The following OTOA variants were observed in gnomAD, a reference collection of about 807,000 sequenced individuals.
OTOA encodes the protein cancer/testis antigen 108.
Under a neutral mutation model 110.8 loss-of-function variants are expected in OTOA, and 70 were observed. That is an observed-to-expected ratio of 0.63 (90% confidence interval 0.52 to 0.77). The LOEUF is 0.77. Ranked by LOEUF, OTOA falls within the 30% of genes least tolerant of loss-of-function variation. The pLI is 0.00. For synonymous variants in OTOA, 373 were observed against 431.5 expected (o/e 0.86, Z 1.68); for missense variants, 917 against 1,075.8 (o/e 0.85, Z 2.06).
At chr16:21,704,553 A>C (rs1898115872) in intron 11 of OTOA, among the ~76,000 whole-genome samples, 1 of 152,078 alleles carries the variant, frequency 6.6e-6, no homozygotes, top group Non-Finnish European at 1.5e-5. Context: ...TCAGTGCAAG[A>C]CCTGATAAGT....
Position 21,715,033 on chromosome 16 carries a change from G to A in OTOA, c.1369G>A (p.Val457Ile), listed in dbSNP as rs759730190. The A allele has an allele frequency of 6.2e-7, 1 of 1,614,180 alleles. No individual in the cohort carries two copies. The highest frequency in any genetic ancestry group is 8.5e-7 in the Non-Finnish European group (1 of 1,180,016). ...VSQMGALLAG[V>I]STQAFCSMKR... ...CCAGATGGGCGCACTGCTGGCTGGG[G>A]TCAGCACCCAGGCCTTCTGCAGCAT... The change falls in exon 14 of 29, where the codon GTC (valine) becomes ATC (isoleucine). Residue 457 changes from valine to isoleucine, a missense_variant. Coordinates refer to ENST00000646100, the MANE Select transcript of OTOA (RefSeq NM_144672.4).
At chr16:21,687,376 G>A in intron 7 of OTOA, 37 bp from the exon 8 acceptor site, 1 of 1,570,346 alleles carries the variant, frequency 6.4e-7, no homozygotes, top group Non-Finnish European at 8.8e-7. Flanking sequence ...TTGAGAGGCA[G>A]CTCTCAAACT....
At chr16:21,750,038 G>C (rs1446972639) in intron 24 of OTOA, among the ~76,000 whole-genome samples, 2 of 152,260 alleles carry the variant, frequency 1.3e-5, no homozygotes, top group East Asian at 3.9e-4. Flanking sequence ...GCCTCCTCAG[G>C]TCCTACATAG....
rs577573151 is a variant in OTOA, at chr16:21,722,425, A to G, written c.1807-480A>G. ...ATATAACTATATGTATAGTTAAGCT[A>G]TATATATAGTTTAACAGAATTGTGT... On this transcript the variant is annotated intron_variant, in intron 17 of 28. Coordinates refer to ENST00000646100, the MANE Select transcript of OTOA (RefSeq NM_144672.4). Among the ~76,000 whole-genome samples the G allele has an allele frequency of 6.0e-5, 9 of 150,640 alleles. No individual in the cohort carries two copies. In the South Asian group the frequency reaches 1.5e-3, roughly 24 times the overall value.
chr16:21,687,626 C>G lies in OTOA; in HGVS notation c.613C>G (p.Arg205Gly). 6.2e-7 allele frequency: 1 copy of G among 1,610,970 alleles called. No homozygotes were observed. The highest frequency in any genetic ancestry group is 8.5e-7 in the Non-Finnish European group (1 of 1,178,964). ...DITERLPRDL[R>G]EDAFKNLSAV... is the part of the protein sequence containing the mutation. The stretch of plus-strand genomic sequence containing the variant: ...CACAGAGCGGCTCCCTCGGGACCTG[C>G]GCGAGGATGCCTTTAAGAACCTGTG... Residue 205 changes from arginine to glycine, a missense_variant, in exon 8 of 29, where the codon CGC (arginine) becomes GGC (glycine). This residue lies in a region of OTOA where 840 missense variants were observed against 910.2 expected (regional missense o/e 0.92). Coordinates refer to ENST00000646100, the MANE Select transcript of OTOA (RefSeq NM_144672.4).
At chr16:21,713,780 C>T (rs922907758) in intron 13 of OTOA, among the ~76,000 whole-genome samples, 5 of 152,130 alleles carry the variant, frequency 3.3e-5, no homozygotes, top group African/African-American at 9.7e-5. Context: ...ACCAGGCCAG[C>T]CCATTCATCT....
In OTOA at chr16:21,705,247, G is replaced by A. The variant is rs1286798511; in HGVS notation, c.1059G>A (p.Met353Ile). The A allele has an allele frequency of 6.2e-7, 1 of 1,614,020 alleles. No homozygotes were observed. Among genetic ancestry groups the A allele is most frequent in the Non-Finnish European group, 8.5e-7 (1 of 1,180,022 alleles). Residue 353 changes from methionine (M) to isoleucine (I), a missense_variant, in exon 12 of 29, where the codon ATG becomes ATA. Met to Ile is a conservative substitution (Grantham distance 10). This residue lies in a region of OTOA where 840 missense variants were observed against 910.2 expected (regional missense o/e 0.92). Coordinates refer to ENST00000646100, the MANE Select transcript of OTOA (RefSeq NM_144672.4). Reference sequence around the variant, plus strand: ...TGGCTCAAGTCCTGCTTTACCAGATGATCAAGTGCAGCCACCTGAGGGGCT... The same window carrying A: ...TGGCTCAAGTCCTGCTTTACCAGATAATCAAGTGCAGCCACCTGAGGGGCT... ...ATVAQVLLYQMIKCSHLRGFQ... is the reference protein window; with the variant it reads ...ATVAQVLLYQIIKCSHLRGFQ...
chr16:21,697,665 G>A, intron 9 of OTOA, 110 bp from the exon 10 acceptor site: 1 of 982,668 alleles, frequency 1.0e-6, no homozygotes. Flanking sequence ...ACGAATTAAT[G>A]AATGCAAGAA....
At chr16:21,719,571 C>A in intron 17 of OTOA, 67 bp downstream of exon 17, 1 of 1,398,374 alleles carries the variant, frequency 7.2e-7, no homozygotes, top group Non-Finnish European at 1.0e-6. Context: ...CCTGGATTGG[C>A]TGTGGCATCT....
In OTOA at chr16:21,700,888, A is replaced by G. The variant is rs1181976517; in HGVS notation, c.841A>G (p.Ile281Val). 1.2e-6 allele frequency: 2 copies of G among 1,613,924 alleles called. No individual in the cohort carries two copies. Among genetic ancestry groups the G allele is most frequent in the East Asian group, 4.5e-5 (2 of 44,874 alleles). The change falls in exon 11 of 29, where the codon ATT becomes GTT. Residue 281 changes from isoleucine (I) to valine (V), a missense_variant and splice_region_variant. Transcript: ENST00000646100. Reference protein sequence around the residue: ...EEITKISPIEIGLFISYDNAT... With the variant: ...EEITKISPIEVGLFISYDNAT... ...ATTCTCGTCCTTGTCCACCAACTAG[A>G]TTGGGCTGTTTATCAGCTATGACAA...
chr16:21,691,930 C>A (rs1315415612), intron 9 of OTOA, among the ~76,000 whole-genome samples: 1 of 152,066 alleles, frequency 6.6e-6, no homozygotes, highest in Non-Finnish European at 1.5e-5. Flanking sequence ...TATGTTGTGT[C>A]CTAGTTTTTC....
intron 10 of OTOA, among the ~76,000 whole-genome samples, chr16:21,698,181 A>C (rs1188417339): frequency 6.6e-6 from 1 of 152,204 alleles, no homozygotes; most frequent in East Asian, 1.9e-4. Flanking sequence ...AAATCATTTA[A>C]GGGTATTTTT....
At chr16:21,689,154 G>A (rs894421969) in intron 8 of OTOA, among the ~76,000 whole-genome samples, 4 of 152,090 alleles carry the variant, frequency 2.6e-5, no homozygotes, top group Middle Eastern at 3.4e-3. Context: ...TTTACTAATC[G>A]TAGTGCTTTA....
chr16:21,695,889 A>ATTTT (rs1213474615), intron 9 of OTOA, among the ~76,000 whole-genome samples: 1,646 of 63,416 alleles, frequency 0.026, 27 homozygotes, highest in Non-Finnish European at 0.034. Context: ...ATATATATAT[A>ATTTT]TATTTTTTTT....
At chr16:21,731,018 G>A (rs932776380) in intron 21 of OTOA, 88 bp downstream of exon 21, 2 of 761,234 alleles carry the variant, frequency 2.6e-6, no homozygotes, top group African/African-American at 1.7e-5. Context: ...GTTTACTGCT[G>A]TCTATGGTTC....
intron 9 of OTOA, among the ~76,000 whole-genome samples, chr16:21,695,956 A>T (rs1250537774): frequency 7.7e-6 from 1 of 130,438 alleles, no homozygotes; most frequent in African/African-American, 2.9e-5. Context: ...GTGCAGTGGT[A>T]TGATCTCAGC....
intron 18 of OTOA, among the ~76,000 whole-genome samples, chr16:21,725,527 A>ATCTG (rs1192277307): frequency 6.6e-6 from 1 of 151,718 alleles, no homozygotes; most frequent in Non-Finnish European, 1.5e-5. Flanking sequence ...ATCTCAGGTG[A>ATCTG]CCCACCTTGG....
chr16:21,729,237 A>C (rs1412862431), intron 20 of OTOA, among the ~76,000 whole-genome samples: 3 of 151,882 alleles, frequency 2.0e-5, no homozygotes, highest in African/African-American at 7.3e-5. Flanking sequence ...GAATTTCACC[A>C]TGTTGCCTAG....
At chr16:21,695,891 A>ATATATATATATTTTT (rs569493650) in intron 9 of OTOA, among the ~76,000 whole-genome samples, 4 of 41,894 alleles carry the variant, frequency 9.5e-5, no homozygotes, top group African/African-American at 2.9e-4. Context: ...ATATATATAT[A>ATATATATATATTTTT]TTTTTTTTTT....
Sources: gnomAD v4.1 joint callset for allele counts (sites outside exome capture counted in the v4.1 genomes callset) on GRCh38, gnomAD v4.1.1 for gene constraint, gnomAD v4.1.1 regional missense constraint, MANE v1.5 for transcripts, NCBI Gene and HGNC (gene_info 2026-07-23, HGNC 2026-07-21) for gene names.